Variants in CRADD observed in about 807,000 individuals in gnomAD.
CRADD encodes death domain-containing protein CRADD.
Under a neutral mutation model 15.5 loss-of-function variants are expected in CRADD, and 9 were observed. The observed-to-expected ratio is 0.58, with a 90% CI of 0.35 to 1.01. The LOEUF (loss-of-function observed/expected upper bound fraction) is 1.01, where lower values mean the gene tolerates loss of function less well. CRADD is among the 50% of genes least tolerant of loss of function. CRADD has a pLI of 0.02. For synonymous variants in CRADD, 118 were observed against 107.6 expected, an observed-to-expected ratio of 1.10 and a Z score of -0.60; for missense variants, 227 against 250.3, an observed-to-expected ratio of 0.91 and a Z score of 0.63.
intron 2 of CRADD, among the ~76,000 whole-genome samples, chr12:93,884,994 C>G (rs1958526096): frequency 6.6e-6 from 1 of 152,154 alleles, no homozygotes; most frequent in Admixed American, 6.5e-5. Flanking sequence ...AGATTAGCAA[C>G]TCCTCTTCCC....
rs78515882 is a variant in CRADD at position 93,687,551 on chromosome 12, C to G, written c.298+8479C>G. Among the ~76,000 whole-genome samples the G allele has an allele frequency of 1.2e-4, 19 of 152,270 alleles. No individual in the cohort carries two copies. The East Asian group carries it at 3.7e-3, about 29-fold the overall frequency. On this transcript the variant is annotated intron_variant, in intron 2 of 2. Transcript: ENST00000332896. ...AAGTCAGGCACACGTACAAATGCTT[C>G]GTGAGGTCATCTTAAATTGCAGCCG...
chr12:93,882,984 T>A (rs1958513379), intron 2 of CRADD, among the ~76,000 whole-genome samples: 1 of 152,178 alleles, frequency 6.6e-6, no homozygotes, highest in Non-Finnish European at 1.5e-5. Flanking sequence ...ATTGCGTAAT[T>A]GAGTAAAAAC....
rs115523367 is a variant in CRADD at position 93,741,689 on chromosome 12, G to T, written c.298+62617G>T. Among the ~76,000 whole-genome samples the T allele has an allele frequency of 1.0e-3, 154 of 152,234 alleles. 1 individual carries two copies. Among genetic ancestry groups the T allele is most frequent in the African/African-American group, 3.2e-3 (131 of 41,530 alleles). On this transcript the variant is annotated intron_variant, in intron 2 of 2. Coordinates refer to ENST00000332896, the MANE Select transcript of CRADD (RefSeq NM_003805.5). ...TCTGATTAATTTGTAGATAGGGGTC[G>T]GTGGAGGTTAGACGATGGGCTTTAG... is the stretch of plus-strand genomic sequence containing the variant.
intron 2 of CRADD, among the ~76,000 whole-genome samples, chr12:93,681,644 C>A (rs145740640): frequency 6.6e-6 from 1 of 152,218 alleles, no homozygotes; most frequent in East Asian, 1.9e-4. Context: ...CACCCGTCTC[C>A]TCATCACTCA....
chr12:93,773,818 T>TC lies in CRADD; in HGVS notation c.299-76152_299-76151insC, dbSNP rs1218976023. On this transcript the variant is annotated intron_variant, in intron 2 of 2. Coordinates refer to ENST00000332896, the MANE Select transcript of CRADD (RefSeq NM_003805.5). ...TAGCCATACCTACTTTGTGAGTTTTTTTTTTTTTTTTTTTTTTGAGACAGG... is the reference window on the plus strand; with the variant it reads ...TAGCCATACCTACTTTGTGAGTTTTTCTTTTTTTTTTTTTTTTTGAGACAGG... Among the ~76,000 whole-genome samples the TC allele has an allele frequency of 1.4e-4, 20 of 142,336 alleles. 2 individuals carry two copies. Among genetic ancestry groups the TC allele is most frequent in the Admixed American group, 1.3e-3 (18 of 14,142 alleles). 93.4% of individuals were successfully genotyped at this position (142,336 alleles called of 152,430 possible).
chr12:93,707,172 G>A (rs145040576), intron 2 of CRADD, among the ~76,000 whole-genome samples: 7 of 152,306 alleles, frequency 4.6e-5, no homozygotes, highest in Non-Finnish European at 8.8e-5. Context: ...GTGTCCGTCT[G>A]TCAATTTTAT....
At chr12:93,858,355 G>A (rs936065196) in intron 2 of CRADD, among the ~76,000 whole-genome samples, 2 of 152,190 alleles carry the variant, frequency 1.3e-5, no homozygotes, top group African/African-American at 4.8e-5. Context: ...GAAGGACGGA[G>A]GTGGGTCTTA....
rs538662636 is a variant in CRADD at position 93,791,259 on chromosome 12, G to A, written c.299-58711G>A. Among the ~76,000 whole-genome samples the A allele has an allele frequency of 5.3e-5, 8 of 152,130 alleles. No homozygotes were observed. The East Asian group carries it at 1.5e-3, about 29-fold the overall frequency. On this transcript the variant is annotated intron_variant, in intron 2 of 2. Transcript: ENST00000332896. ...CATCATTCATAATAGCCAAGATAGA[G>A]AATCAACCCAAGTGTCCATTAATGG...
At chr12:93,796,044 T>A (rs558204692) in intron 2 of CRADD, among the ~76,000 whole-genome samples, 150 of 152,328 alleles carry the variant, frequency 9.8e-4, no homozygotes, top group Non-Finnish European at 1.7e-3. Flanking sequence ...TTGGAACTGC[T>A]AAATATTATC....
At chr12:93,819,798 GACTA>G (rs1394391149) in intron 2 of CRADD, among the ~76,000 whole-genome samples, 3 of 152,220 alleles carry the variant, frequency 2.0e-5, no homozygotes, top group African/African-American at 2.4e-5. Context: ...TCAGTATATA[GACTA>G]ACTGTTTCTT....
At position 93,817,133 on chromosome 12, in the gene CRADD, A is replaced by G. The variant is rs761353427; in HGVS notation, c.299-32837A>G. On this transcript the variant is annotated intron_variant, in intron 2 of 2. Coordinates refer to ENST00000332896, the MANE Select transcript of CRADD (RefSeq NM_003805.5). ...GCACAAATATAAAAGGTATTAGACCAGATGATTGTTTAAGTCTCTCCTAGT... is the reference window on the plus strand; with the variant it reads ...GCACAAATATAAAAGGTATTAGACCGGATGATTGTTTAAGTCTCTCCTAGT... Among the ~76,000 whole-genome samples the G allele has an allele frequency of 3.3e-5, 5 of 152,310 alleles. No homozygotes were observed. In the East Asian group the frequency reaches 9.6e-4, roughly 29 times the overall value.
At chr12:93,886,163 T>G (rs111856537) in intron 2 of CRADD, among the ~76,000 whole-genome samples, 18 of 56,340 alleles carry the variant, frequency 3.2e-4, no homozygotes, top group African/African-American at 1.2e-3. Context: ...CTGCTGATGC[T>G]TTTTTTTTTT....
intron 2 of CRADD, among the ~76,000 whole-genome samples, chr12:93,791,480 T>C (rs977384074): frequency 3.3e-5 from 5 of 152,024 alleles, no homozygotes; most frequent in African/African-American, 1.2e-4. Context: ...AGAGTTAAAC[T>C]CATAGAAACA....
chr12:93,844,631 T>C (rs1958091772), intron 2 of CRADD, among the ~76,000 whole-genome samples: 1 of 152,188 alleles, frequency 6.6e-6, no homozygotes, highest in Non-Finnish European at 1.5e-5. Flanking sequence ...AAGCATATGT[T>C]GCATTCATGT....
chr12:93,823,421 A>G (rs1957790483), intron 2 of CRADD, among the ~76,000 whole-genome samples: 1 of 152,162 alleles, frequency 6.6e-6, no homozygotes, highest in Admixed American at 6.5e-5. Context: ...TTAATGGATT[A>G]ATAAGTTAGC....
At chr12:93,791,375 A>G (rs970512935) in intron 2 of CRADD, among the ~76,000 whole-genome samples, 5 of 152,208 alleles carry the variant, frequency 3.3e-5, no homozygotes, top group African/African-American at 1.2e-4. Flanking sequence ...CATTTGAGAC[A>G]ACATGGGCAA....
intron 2 of CRADD, among the ~76,000 whole-genome samples, chr12:93,723,847 C>T (rs1027366719): frequency 6.6e-6 from 1 of 152,104 alleles, no homozygotes; most frequent in Non-Finnish European, 1.5e-5. Context: ...TCGCTAGACT[C>T]GGCTGGAATT....
chr12:93,781,060 G>C (rs1957204697), intron 2 of CRADD, among the ~76,000 whole-genome samples: 8 of 151,738 alleles, frequency 5.3e-5, no homozygotes, highest in Non-Finnish European at 1.5e-5. Context: ...CCAGCCTCTT[G>C]GTTACTTTTT....
intron 2 of CRADD, among the ~76,000 whole-genome samples, chr12:93,806,484 A>T (rs1435860441): frequency 6.6e-6 from 1 of 151,418 alleles, no homozygotes; most frequent in Non-Finnish European, 1.5e-5. Context: ...AAAAAAAAGA[A>T]AAAAAAGGAT....
Sources: allele counts gnomAD v4.1 joint callset (sites outside exome capture counted in the v4.1 genomes callset), GRCh38; gene constraint gnomAD v4.1.1; transcripts MANE v1.5; gene names NCBI Gene and HGNC (gene_info 2026-07-23, HGNC 2026-07-21).